GPR158: variants seen among roughly 807,000 people sequenced by gnomAD.
GPR158 encodes metabotropic glycine receptor.
In GPR158, 30 loss-of-function variants were observed where a neutral mutation model predicts 78.2. That is an observed-to-expected ratio of 0.38 (90% CI 0.29 to 0.52). The LOEUF is 0.52. Among genes scored for constraint, GPR158 ranks in the 20% least tolerant of loss-of-function variants. The pLI is 0.83. For missense variants in GPR158, 1,463 were observed against 1,523.5 expected (o/e 0.96, Z 0.66); for synonymous variants, 581 against 591.1 (o/e 0.98, Z 0.25).
At chr10:25,453,646 T>C (rs901022040) in intron 4 of GPR158, among the ~76,000 whole-genome samples, 1 of 152,236 alleles carries the variant, frequency 6.6e-6, no homozygotes, top group African/African-American at 2.4e-5. Context: ...CTTCTGTTTG[T>C]GCATATCTCA....
At chr10:25,314,862 C>CATATATATATATATAT (rs67847605) in intron 2 of GPR158, among the ~76,000 whole-genome samples, 26 of 111,354 alleles carry the variant, frequency 2.3e-4, no homozygotes, top group South Asian at 1.2e-3. Flanking sequence ...CACACACTGT[C>CATATATATATATATAT]ATATATATAT....
Position 25,241,185 on chromosome 10 carries a change from CTTTCCTTT to C in GPR158, c.1008+20029_1008+20036del, listed in dbSNP as rs1310772083. Among the ~76,000 whole-genome samples, 780 of 78,630 alleles carry C rather than the reference CTTTCCTTT, an allele frequency of 9.9e-3. 14 individuals are homozygous for C. The highest frequency in any genetic ancestry group is 0.042 in the African/African-American group (712 of 16,880). The allele number at this position is 78,630 out of a possible 152,430, so 51.6% of individuals were successfully genotyped here. A position where few individuals can be genotyped will look rare whatever the true frequency, so the allele number is the denominator to read the frequency against. ...TCTTTCTTTCTTTCTTTCTTTCTTTCTTTCCTTTCTTTCTTTCCTTTCTTTCCTTTCTT... is the reference window on the plus strand; with the variant it reads ...TCTTTCTTTCTTTCTTTCTTTCTTTCCTTTCTTTCCTTTCTTTCCTTTCTT... On this transcript the variant is annotated intron_variant, in intron 2 of 10. Transcript: ENST00000376351.
chr10:25,463,654 T>C (rs1277528951), intron 4 of GPR158, among the ~76,000 whole-genome samples: 1 of 152,180 alleles, frequency 6.6e-6, no homozygotes, highest in African/African-American at 2.4e-5. Flanking sequence ...TGACTTTTTT[T>C]CTTGGTCTCT....
chr10:25,226,185 T>A (rs772119132), intron 2 of GPR158, among the ~76,000 whole-genome samples: 12 of 152,208 alleles, frequency 7.9e-5, no homozygotes, highest in Non-Finnish European at 1.6e-4. Context: ...ACTAGCCACA[T>A]GTTGCTTCTG....
intron 4 of GPR158, among the ~76,000 whole-genome samples, chr10:25,425,737 T>C (rs1834811856): frequency 6.6e-6 from 1 of 152,116 alleles, no homozygotes; most frequent in African/African-American, 2.4e-5. Context: ...GGTTATTTCT[T>C]ATATTGCCTC....
chr10:25,322,480 C>A (rs754333966), intron 2 of GPR158, among the ~76,000 whole-genome samples: 13 of 152,122 alleles, frequency 8.5e-5, no homozygotes, highest in Non-Finnish European at 1.6e-4. Context: ...CTAGAAAAGT[C>A]TTTGTATCTT....
intron 2 of GPR158, among the ~76,000 whole-genome samples, chr10:25,237,371 C>T (rs550328840): frequency 2.0e-5 from 3 of 152,250 alleles, no homozygotes; most frequent in East Asian, 3.9e-4. Flanking sequence ...CATTTCATTG[C>T]AAGCAGTCCT....
intron 2 of GPR158, among the ~76,000 whole-genome samples, chr10:25,292,362 G>T (rs893633764): frequency 6.6e-6 from 1 of 152,080 alleles, no homozygotes; most frequent in East Asian, 1.9e-4. Context: ...TTTGGAATGA[G>T]CTGGTTGCTC....
At chr10:25,367,105 A>C (rs767223288) in intron 2 of GPR158, among the ~76,000 whole-genome samples, 1 of 151,614 alleles carries the variant, frequency 6.6e-6, no homozygotes, top group Non-Finnish European at 1.5e-5. Flanking sequence ...TCTTTGTTAT[A>C]TGTTAGAAAC....
At chr10:25,593,302 T>C (rs761396112) in intron 8 of GPR158, among the ~76,000 whole-genome samples, 25 of 152,060 alleles carry the variant, frequency 1.6e-4, no homozygotes, top group Admixed American at 3.9e-4. Flanking sequence ...AATTTGTCAT[T>C]AATATGGTAG....
intron 2 of GPR158, among the ~76,000 whole-genome samples, chr10:25,237,924 C>T (rs1047375703): frequency 1.3e-5 from 2 of 151,970 alleles, no homozygotes; most frequent in Non-Finnish European, 2.9e-5. Context: ...TTCCACCTCC[C>T]TCTTTCCCTC....
intron 2 of GPR158, among the ~76,000 whole-genome samples, chr10:25,259,273 T>C (rs1169011513): frequency 1.3e-5 from 2 of 152,178 alleles, no homozygotes; most frequent in Non-Finnish European, 2.9e-5. Flanking sequence ...CCAACAAGAC[T>C]TTATTTACAA....
chr10:25,241,306 T>TTTCTC (rs1287781523), intron 2 of GPR158, among the ~76,000 whole-genome samples: 1 of 100,774 alleles, frequency 9.9e-6, no homozygotes, highest in African/African-American at 5.2e-5. Context: ...TTTCTTTTCT[T>TTTCTC]TTCTTTTCTC....
intron 3 of GPR158, among the ~76,000 whole-genome samples, chr10:25,398,580 A>C (rs934268670): frequency 5.3e-5 from 8 of 152,332 alleles, no homozygotes; most frequent in South Asian, 2.1e-4. Context: ...TAACACTACC[A>C]GGAGAAACTG....
chr10:25,534,273 A>T (rs1287740785), intron 5 of GPR158, among the ~76,000 whole-genome samples: 1 of 152,170 alleles, frequency 6.6e-6, no homozygotes, highest in Non-Finnish European at 1.5e-5. Flanking sequence ...AAACATGTTC[A>T]ATCTGCCAGG....
At chr10:25,376,166 G>T (rs1311067598) in intron 2 of GPR158, among the ~76,000 whole-genome samples, 1 of 151,398 alleles carries the variant, frequency 6.6e-6, no homozygotes, top group Non-Finnish European at 1.5e-5. Context: ...TTTAATTTTG[G>T]ATGATTATAA....
intron 2 of GPR158, among the ~76,000 whole-genome samples, chr10:25,235,047 T>C (rs1324988745): frequency 6.6e-6 from 1 of 152,240 alleles, no homozygotes; most frequent in Non-Finnish European, 1.5e-5. Flanking sequence ...AAATAATTTA[T>C]TGCCCCCTGT....
chr10:25,534,446 G>A (rs1836465223), intron 5 of GPR158, among the ~76,000 whole-genome samples: 2 of 151,976 alleles, frequency 1.3e-5, no homozygotes, highest in Non-Finnish European at 1.5e-5. Context: ...AGACCACCCT[G>A]GCTAACGTGA....
intron 5 of GPR158, among the ~76,000 whole-genome samples, chr10:25,544,228 T>G (rs1429166437): frequency 6.6e-6 from 1 of 152,168 alleles, no homozygotes; most frequent in Admixed American, 6.6e-5. Context: ...ACAAATTCAA[T>G]GCAACGTCTT....
Sources: allele counts gnomAD v4.1 joint callset (sites outside exome capture counted in the v4.1 genomes callset), GRCh38; gene constraint gnomAD v4.1.1; transcripts MANE v1.5; gene names NCBI Gene and HGNC (gene_info 2026-07-23, HGNC 2026-07-21).